CCDC7: variants seen among roughly 807,000 people sequenced by gnomAD.
The protein encoded by CCDC7 is coiled-coil domain containing 7, also known as coiled-coil domain-containing protein 7.
In CCDC7, 183 loss-of-function variants were observed where a neutral mutation model predicts 196.9. That is an observed-to-expected ratio of 0.93 (90% confidence interval 0.82 to 1.05). The LOEUF (loss-of-function observed/expected upper bound fraction) is 1.05. CCDC7 is among the 50% of genes least tolerant of loss of function. CCDC7 has a pLI of 0.00. For synonymous variants in CCDC7, 525 were observed against 484.6 expected (o/e 1.08, Z -1.10); for missense variants, 1,540 against 1,482.2 (o/e 1.04, Z -0.64).
chr10:32,546,746 G>A (rs1447063356), intron 13 of CCDC7, among the ~76,000 whole-genome samples: 4 of 152,208 alleles, frequency 2.6e-5, no homozygotes, highest in Non-Finnish European at 5.9e-5. Context: ...TTCGGCATCT[G>A]AGCATGGCTT....
intron 31 of CCDC7, among the ~76,000 whole-genome samples, chr10:32,820,779 C>G (rs1565608879): frequency 6.6e-6 from 1 of 152,200 alleles, no homozygotes; most frequent in Non-Finnish European, 1.5e-5. Context: ...AAAGCTGAAA[C>G]TAGATAGCTT....
chr10:32,647,438 G>C (rs137989759), intron 20 of CCDC7, among the ~76,000 whole-genome samples: 9 of 152,122 alleles, frequency 5.9e-5, no homozygotes, highest in Non-Finnish European at 1.3e-4. Flanking sequence ...GAGCCCTGGG[G>C]GGTAGAGGTT....
intron 18 of CCDC7, among the ~76,000 whole-genome samples, chr10:32,597,853 CT>C (rs1236793863): frequency 6.6e-6 from 1 of 152,124 alleles, no homozygotes; most frequent in Non-Finnish European, 1.5e-5. Flanking sequence ...CTGCGTAATC[CT>C]TCCTCTGGAA....
chr10:32,862,126 T>G (rs1273846985), intron 41 of CCDC7, among the ~76,000 whole-genome samples: 37 of 152,210 alleles, frequency 2.4e-4, no homozygotes, highest in Admixed American at 2.4e-3. Context: ...TGTATGTTTA[T>G]TGCAGCACTA....
chr10:32,724,847 C>G (rs1049488273), intron 25 of CCDC7, among the ~76,000 whole-genome samples: 1 of 152,046 alleles, frequency 6.6e-6, no homozygotes, highest in African/African-American at 2.4e-5. Context: ...GATCTGAACC[C>G]ATACCTGCAC....
At chr10:32,862,238 A>C (rs2094018440) in intron 41 of CCDC7, among the ~76,000 whole-genome samples, 1 of 152,170 alleles carries the variant, frequency 6.6e-6, no homozygotes, top group Non-Finnish European at 1.5e-5. Context: ...ATGCAGCCAT[A>C]AAAAAGAATG....
chr10:32,500,273 G>T (rs1188057316), intron 9 of CCDC7, among the ~76,000 whole-genome samples: 1 of 151,014 alleles, frequency 6.6e-6, no homozygotes, highest in Non-Finnish European at 1.5e-5. Context: ...CGGTGGAGAC[G>T]CTCCTCACCT....
chr10:32,462,868 C>A, intron 4 of CCDC7, 149 bp from the exon 6 acceptor site: 1 of 1,332,706 alleles, frequency 7.5e-7, no homozygotes, highest in Non-Finnish European at 1.0e-6. Context: ...TAGCCCCATT[C>A]TGAATCCCAA....
chr10:32,705,230 T>C (rs1245736264), intron 24 of CCDC7, among the ~76,000 whole-genome samples: 1 of 152,030 alleles, frequency 6.6e-6, no homozygotes, highest in African/African-American at 2.4e-5. Flanking sequence ...GCTTCATAAG[T>C]GAAGGAGAAA....
At chr10:32,846,988 A>G (rs2093324522) in intron 37 of CCDC7, among the ~76,000 whole-genome samples, 1 of 152,218 alleles carries the variant, frequency 6.6e-6, no homozygotes, top group African/African-American at 2.4e-5. Flanking sequence ...GGTGTTATGT[A>G]GTTATACAAT....
intron 20 of CCDC7, among the ~76,000 whole-genome samples, chr10:32,659,932 T>G (rs1351478893): frequency 6.6e-6 from 1 of 152,138 alleles, no homozygotes; most frequent in Non-Finnish European, 1.5e-5. Flanking sequence ...ATCAAAGACC[T>G]AAAAACAGAA....
chr10:32,674,503 G>T (rs2074594105), intron 21 of CCDC7, among the ~76,000 whole-genome samples: 1 of 152,088 alleles, frequency 6.6e-6, no homozygotes, highest in East Asian at 1.9e-4. Context: ...TTGTGATATA[G>T]CATGTGATTT....
exon 15 of CCDC7, chr10:32,567,835 C>T (rs1259545943): frequency 6.2e-7 from 1 of 1,613,390 alleles, no homozygotes; most frequent in Non-Finnish European, 8.5e-7. Flanking sequence ...AAGAAAATCA[C>T]TGGTTTCAGA....
chr10:32,660,770 A>G (rs1362587162), intron 20 of CCDC7, among the ~76,000 whole-genome samples: 1 of 151,756 alleles, frequency 6.6e-6, no homozygotes, highest in Non-Finnish European at 1.5e-5. Flanking sequence ...CTGGCTAGCC[A>G]TATATAGAAA....
At chr10:32,665,034 G>A (rs891174823) in intron 21 of CCDC7, among the ~76,000 whole-genome samples, 1 of 151,884 alleles carries the variant, frequency 6.6e-6, no homozygotes, top group African/African-American at 2.4e-5. Flanking sequence ...TTTCATTGTG[G>A]TTTTAATTTG....
intron 21 of CCDC7, among the ~76,000 whole-genome samples, chr10:32,669,496 G>A (rs543729877): frequency 8.3e-4 from 127 of 152,200 alleles, no homozygotes; most frequent in Non-Finnish European, 6.9e-4. Flanking sequence ...GAATTTAGTA[G>A]TGTATCCATG....
At chr10:32,709,759 C>G (rs918944675) in intron 24 of CCDC7, among the ~76,000 whole-genome samples, 1 of 152,174 alleles carries the variant, frequency 6.6e-6, no homozygotes, top group Non-Finnish European at 1.5e-5. Flanking sequence ...GATTATTTCA[C>G]TGACCAATTT....
rs376851347 is a variant in CCDC7, at chr10:32,710,483, G to T, written c.2459-1137G>T. Among the ~76,000 whole-genome samples, 3 of 152,300 alleles carry T rather than the reference G, an allele frequency of 2.0e-5. No homozygotes were observed. The East Asian group carries it at 5.8e-4, about 29-fold the overall frequency. On this transcript the variant is annotated intron_variant, in intron 24 of 41. Coordinates refer to ENST00000639629, the Ensembl canonical transcript of CCDC7. ...AGGCCGTCTGTTGGATCTCTAATTT[G>T]CCCCACCAGGCATCTTTGCCTGAGA...
At chr10:32,685,873 G>C in intron 21 of CCDC7, 97 bp from the exon 23 acceptor site, 1 of 667,936 alleles carries the variant, frequency 1.5e-6, no homozygotes, top group Non-Finnish European at 2.6e-6. Flanking sequence ...AAGTGACTGA[G>C]AATGCTCATG....
Sources: gnomAD v4.1 joint callset for allele counts (sites outside exome capture counted in the v4.1 genomes callset) on GRCh38, gnomAD v4.1.1 for gene constraint, MANE v1.5 for transcripts, NCBI Gene and HGNC (gene_info 2026-07-23, HGNC 2026-07-21) for gene names.